The following GRID1 variants were observed in gnomAD, a reference collection of about 807,000 sequenced individuals.
GRID1 encodes the protein glutamate receptor ionotropic, delta-1.
In GRID1, 28 loss-of-function variants were observed where a neutral mutation model predicts 98.0. The ratio of observed to expected loss-of-function variants is 0.29; its 90% CI spans 0.21 to 0.39. GRID1 has a LOEUF of 0.39. Ranked by LOEUF, GRID1 falls within the 10% of genes least tolerant of loss-of-function variation. The pLI is 1.00. For missense variants in GRID1, 1,111 were observed against 1,340.5 expected (o/e 0.83, Z 2.67); for synonymous variants, 553 against 538.5 (o/e 1.03, Z -0.37).
At chr10:85,926,026 C>G (rs946285403) in intron 4 of GRID1, among the ~76,000 whole-genome samples, 1 of 152,112 alleles carries the variant, frequency 6.6e-6, no homozygotes, top group African/African-American at 2.4e-5. Context: ...TTCTTTTTTA[C>G]GAGCCTGACT....
At chr10:86,133,051 A>T (rs1225253561) in intron 4 of GRID1, among the ~76,000 whole-genome samples, 1 of 152,212 alleles carries the variant, frequency 6.6e-6, no homozygotes, top group African/African-American at 2.4e-5. Flanking sequence ...GATCACTGGT[A>T]TCTAACTGCA....
At position 85,916,233 on chromosome 10, in the gene GRID1, C is replaced by T; in HGVS notation, c.733G>A (p.Glu245Lys). The T allele has an allele frequency of 1.2e-6, 2 of 1,612,704 alleles. No individual in the cohort carries two copies. The highest frequency in any genetic ancestry group is 1.7e-6 in the Non-Finnish European group (2 of 1,178,736). ...CTGTCCTTGGAAGCCAGGTTGGTCTCCACGGCCTGCAGAGAGAAAAAGAAC... is the reference window on the plus strand; with the variant it reads ...CTGTCCTTGGAAGCCAGGTTGGTCTTCACGGCCTGCAGAGAGAAAAAGAAC... ...GAHSFINEAV[E>K]TNLASKDSHW... The change falls in exon 5 of 16, where the codon GAG becomes AAG. Residue 245 changes from glutamate to lysine, a missense_variant. This residue lies in a region of GRID1 where 346 missense variants were observed against 452.3 expected (regional missense o/e 0.76). Coordinates refer to ENST00000327946, the MANE Select transcript of GRID1 (RefSeq NM_017551.3). This position sits in a 1 kb window ranked among gnomAD's most constrained non-coding sequence, Gnocchi z 4.0.
At chr10:86,275,779 T>C (rs1847259881) in intron 2 of GRID1, among the ~76,000 whole-genome samples, 1 of 151,986 alleles carries the variant, frequency 6.6e-6, no homozygotes, top group African/African-American at 2.4e-5. Flanking sequence ...AAATGACCTA[T>C]GAGATACCAT....
chr10:85,965,785 TAA>T (rs78965421), intron 4 of GRID1, among the ~76,000 whole-genome samples: 5 of 144,080 alleles, frequency 3.5e-5, no homozygotes, highest in African/African-American at 1.3e-4. Context: ...TAAAATATAA[TAA>T]AAAAAAAAAC....
intron 4 of GRID1, among the ~76,000 whole-genome samples, chr10:85,992,306 C>A (rs1338895418): frequency 2.0e-5 from 3 of 152,174 alleles, no homozygotes; most frequent in African/African-American, 7.2e-5. Flanking sequence ...CAACACTCAG[C>A]ACTCAGGCAC....
At chr10:85,872,783 C>A (rs533683164) in intron 5 of GRID1, among the ~76,000 whole-genome samples, 14 of 152,306 alleles carry the variant, frequency 9.2e-5, no homozygotes, top group African/African-American at 3.4e-4. Flanking sequence ...TCTGCAGGTA[C>A]CTTGCAGAAC....
At chr10:86,050,253 A>T (rs1225277059) in intron 4 of GRID1, among the ~76,000 whole-genome samples, 1 of 152,248 alleles carries the variant, frequency 6.6e-6, no homozygotes, top group Non-Finnish European at 1.5e-5. Flanking sequence ...CAATTTCTCT[A>T]TTGGCAAAAC....
At chr10:86,183,885 C>G (rs1198056484) in intron 3 of GRID1, among the ~76,000 whole-genome samples, 1 of 152,238 alleles carries the variant, frequency 6.6e-6, no homozygotes, top group Non-Finnish European at 1.5e-5. Flanking sequence ...TTATTCCCAG[C>G]AGCAGTAAAT....
chr10:86,136,178 T>C (rs1844922016), intron 4 of GRID1, among the ~76,000 whole-genome samples: 1 of 152,206 alleles, frequency 6.6e-6, no homozygotes, highest in Non-Finnish European at 1.5e-5. Context: ...GAAGGCTTCG[T>C]GCAGGGACAG....
chr10:86,066,377 T>C (rs1843720564), intron 4 of GRID1, among the ~76,000 whole-genome samples: 1 of 152,178 alleles, frequency 6.6e-6, no homozygotes, highest in Non-Finnish European at 1.5e-5. Context: ...GCAGCTAATA[T>C]GTGTCTAGAA....
At chr10:85,732,347 A>C (rs893662472) in intron 8 of GRID1, among the ~76,000 whole-genome samples, 1 of 152,162 alleles carries the variant, frequency 6.6e-6, no homozygotes, top group Admixed American at 6.6e-5. Flanking sequence ...CTTATCCTGC[A>C]CCAGGACCCA....
intron 2 of GRID1, among the ~76,000 whole-genome samples, chr10:86,211,228 T>C (rs1846103375): frequency 6.6e-6 from 1 of 152,266 alleles, no homozygotes. Context: ...AAGATGTTTT[T>C]ACAGCTCTCT....
intron 3 of GRID1, among the ~76,000 whole-genome samples, chr10:86,194,176 G>A (rs772279303): frequency 2.6e-5 from 4 of 151,976 alleles, no homozygotes; most frequent in East Asian, 1.9e-4. Flanking sequence ...CAGCCCAGCC[G>A]CTCTGCTTTC....
At chr10:86,356,528 G>GC (rs1411477098) in intron 2 of GRID1, among the ~76,000 whole-genome samples, 4 of 152,258 alleles carry the variant, frequency 2.6e-5, no homozygotes, top group East Asian at 1.9e-4. Flanking sequence ...TCCAGGCTGA[G>GC]CCCCCCAGAG....
chr10:85,713,252 G>A (rs557844234), intron 12 of GRID1, among the ~76,000 whole-genome samples: 1 of 151,638 alleles, frequency 6.6e-6, no homozygotes, highest in South Asian at 2.1e-4. Context: ...AATAGAAAGG[G>A]TCATAAGAGA....
intron 12 of GRID1, 104 bp from the exon 13 acceptor site, chr10:85,647,501 G>A (rs1234394683): frequency 9.5e-6 from 8 of 843,914 alleles, no homozygotes; most frequent in African/African-American, 8.4e-5. Flanking sequence ...GCCCGGCATG[G>A]CCCACTATCC....
intron 2 of GRID1, among the ~76,000 whole-genome samples, chr10:86,332,621 G>C (rs1848162096): frequency 6.6e-6 from 1 of 152,030 alleles, no homozygotes. Context: ...CCAGGCCCCT[G>C]CCTCATCCCC....
intron 4 of GRID1, among the ~76,000 whole-genome samples, chr10:85,953,917 C>T (rs188076862): frequency 1.2e-4 from 18 of 152,248 alleles, no homozygotes; most frequent in Middle Eastern, 6.8e-3. Flanking sequence ...AGCCTCATTA[C>T]CTCTCTGTGG....
chr10:86,103,992 T>C (rs1034310410), intron 4 of GRID1, among the ~76,000 whole-genome samples: 23 of 152,128 alleles, frequency 1.5e-4, no homozygotes, highest in Non-Finnish European at 2.8e-4. Context: ...ACTTCCCTCA[T>C]AAGCATGGCT....
Sources: gnomAD v4.1 joint callset for allele counts (sites outside exome capture counted in the v4.1 genomes callset) on GRCh38, gnomAD v4.1.1 for gene constraint, gnomAD v4.1.1 regional missense constraint, Gnocchi (gnomAD v3.1) non-coding constraint, MANE v1.5 for transcripts, NCBI Gene and HGNC (gene_info 2026-07-23, HGNC 2026-07-21) for gene names.